The following RAD23B variants were observed in gnomAD, a reference collection of about 807,000 sequenced individuals.
RAD23B encodes the protein RAD23 nucleotide excision repair protein B, also known as lysine-specific demethylase RAD23B.
In RAD23B, 5 loss-of-function variants were observed where a neutral mutation model predicts 49.1. The observed-to-expected ratio is 0.10, with a 90% CI of 0.05 to 0.21. RAD23B has a LOEUF of 0.21. Among genes scored for constraint, RAD23B ranks in the 10% least tolerant of loss-of-function variants. The pLI, the probability that RAD23B is intolerant of heterozygous loss-of-function variation, is 1.00. For missense variants in RAD23B, 356 were observed against 486.7 expected, an observed-to-expected ratio of 0.73 and a Z score of 2.53; for synonymous variants, 184 against 165.4, an observed-to-expected ratio of 1.11 and a Z score of -0.86.
chr9:107,321,945 A>C (rs755559411), intron 6 of RAD23B, 38 bp from the exon 7 acceptor site: 22 of 1,553,262 alleles, frequency 1.4e-5, no homozygotes, highest in Non-Finnish European at 1.8e-5. Flanking sequence ...TTAATTTTGC[A>C]TGATGGGATA....
intron 1 of RAD23B, among the ~76,000 whole-genome samples, chr9:107,292,445 C>G (rs1833400847): frequency 6.6e-6 from 1 of 152,144 alleles, no homozygotes; most frequent in South Asian, 2.1e-4. Flanking sequence ...CTTTGGGAGG[C>G]TGAGGTGGGC....
chr9:107,309,945 A>T (rs1469397391), intron 4 of RAD23B, among the ~76,000 whole-genome samples: 1 of 151,268 alleles, frequency 6.6e-6, no homozygotes, highest in African/African-American at 2.4e-5. Flanking sequence ...AAAAAAAAAA[A>T]AAAAACCAAT....
At chr9:107,293,816 C>T (rs1833432874) in intron 1 of RAD23B, among the ~76,000 whole-genome samples, 1 of 152,174 alleles carries the variant, frequency 6.6e-6, no homozygotes, top group African/African-American at 2.4e-5. Flanking sequence ...CAGAGTCTTG[C>T]TCTGTTGCTC....
At position 107,324,819 on chromosome 9, in the gene RAD23B, T is replaced by C. The variant is rs1356865447; in HGVS notation, c.946-15T>C. On this transcript the variant is annotated splice_polypyrimidine_tract_variant and intron_variant, in intron 8 of 9. Coordinates refer to ENST00000358015, the MANE Select transcript of RAD23B (RefSeq NM_002874.5). ...ATCAGTGTATTATTTTTCTCTGTCC[T>C]TCATATCACCACAGCAAATTAGCCA... 6.3e-7 allele frequency: 1 copy of C among 1,585,032 alleles called. No individual in the cohort carries two copies. Among genetic ancestry groups the C allele is most frequent in the Non-Finnish European group, 8.6e-7 (1 of 1,167,438 alleles).
chr9:107,291,420 A>G (rs943380699), intron 1 of RAD23B, among the ~76,000 whole-genome samples: 1 of 152,230 alleles, frequency 6.6e-6, no homozygotes, highest in African/African-American at 2.4e-5. Flanking sequence ...TTCAAATCAT[A>G]TATTTAAAAT....
chr9:107,312,768 T>G (rs1451575298), intron 5 of RAD23B, among the ~76,000 whole-genome samples: 1 of 152,122 alleles, frequency 6.6e-6, no homozygotes. Context: ...GAAAATAGGA[T>G]TACCCAGAGA....
At chr9:107,284,011 C>T (rs891920973) in intron 1 of RAD23B, 1 of 1,078,448 alleles carries the variant, frequency 9.3e-7, no homozygotes, top group Non-Finnish European at 1.1e-6. Flanking sequence ...AAGGTCCAGG[C>T]CGTCTCAGCC....
chr9:107,311,610 T>C (rs1826888129), intron 4 of RAD23B, 72 bp from the exon 5 acceptor site: 1 of 1,005,114 alleles, frequency 9.9e-7, no homozygotes, highest in Non-Finnish European at 1.5e-6. Context: ...ACCAATTGGA[T>C]AGTTACTAAA....
intron 1 of RAD23B, chr9:107,284,733 C>G (rs1046609916): frequency 1.8e-6 from 2 of 1,123,600 alleles, no homozygotes; most frequent in Non-Finnish European, 2.2e-6. Flanking sequence ...CTGCCCAACT[C>G]TATTTTTAAA....
chr9:107,318,716 A>G lies in RAD23B; in HGVS notation c.554-36A>G. On this transcript the variant is annotated intron_variant, in intron 5 of 9. Transcript: ENST00000358015. The surrounding 1 kb of genome is among the most constrained non-coding windows in gnomAD (Gnocchi z 4.3). ...TGTATAGAGAATGCTTATTTATTAA[A>G]TGTTCCTTTTTTTCCCCTCCACCCT... 1 of 1,579,266 alleles carries G rather than the reference A, an allele frequency of 6.3e-7. No individual in the cohort carries two copies. The highest frequency in any genetic ancestry group is 8.7e-7 in the Non-Finnish European group (1 of 1,153,770).
intron 5 of RAD23B, among the ~76,000 whole-genome samples, chr9:107,312,884 C>T (rs917381864): frequency 1.1e-4 from 16 of 152,002 alleles, no homozygotes; most frequent in South Asian, 4.1e-4. Context: ...AGCTGGAATG[C>T]ATTGATGCTC....
At chr9:107,287,746 G>T (rs1004492335) in intron 1 of RAD23B, among the ~76,000 whole-genome samples, 13 of 149,898 alleles carry the variant, frequency 8.7e-5, no homozygotes, top group African/African-American at 3.0e-4. Context: ...AGGCAGGAGA[G>T]TCGCTTGAAC....
Position 107,283,706 on chromosome 9 carries a change from G to C in RAD23B, c.66+11G>C, listed in dbSNP as rs770343998. On this transcript the variant is annotated intron_variant, in intron 1 of 9. Transcript: ENST00000358015. ...GACCCCGAGGAGACGGTATGCGCGC[G>C]GGCCGGGGGCAGGGGCAGCCGCGTG... 6.9e-7 allele frequency: 1 copy of C among 1,457,798 alleles called. No homozygotes were observed. The highest frequency in any genetic ancestry group is 9.1e-7 in the Non-Finnish European group (1 of 1,100,060). 90.3% of individuals were successfully genotyped at this position (1,457,798 alleles called of 1,614,324 possible).
rs540807025 is a variant in RAD23B at position 107,290,364 on chromosome 9, A to G, written c.66+6669A>G. On this transcript the variant is annotated intron_variant, in intron 1 of 9. Coordinates refer to ENST00000358015, the MANE Select transcript of RAD23B (RefSeq NM_002874.5). ...CACTGATTTTTCCCATTTCTAGGGT[A>G]TACAAACATTTTTCCCCATCTTAAT... is the stretch of plus-strand genomic sequence containing the variant. Among the ~76,000 whole-genome samples, 24 of 152,284 alleles carry G rather than the reference A, an allele frequency of 1.6e-4. No homozygotes were observed. The South Asian group carries it at 5.0e-3, about 32-fold the overall frequency.
Position 107,330,823 on chromosome 9 carries a change from G to A in RAD23B, c.*1167G>A, listed in dbSNP as rs1587868371. On this transcript the variant is annotated 3_prime_UTR_variant, in exon 10 of 10. Coordinates refer to ENST00000358015, the MANE Select transcript of RAD23B (RefSeq NM_002874.5). This position sits in a 1 kb window ranked among gnomAD's most constrained non-coding sequence, Gnocchi z 4.4. Reference sequence around the variant, plus strand: ...TCTTTTGGATGGGTTGGGAGATGTGGCTGGAAAGTACTTTGGAAAATATAC... The same window carrying A: ...TCTTTTGGATGGGTTGGGAGATGTGACTGGAAAGTACTTTGGAAAATATAC... The A allele has an allele frequency of 6.5e-6, 1 of 152,724 alleles. No individual in the cohort carries two copies. The allele number at this position is 152,724 out of a possible 1,614,324, so 9.5% of individuals were successfully genotyped here. A position where few individuals can be genotyped will look rare whatever the true frequency, so the allele number is the denominator to read the frequency against.
intron 5 of RAD23B, among the ~76,000 whole-genome samples, chr9:107,317,071 T>C (rs1213178810): frequency 2.1e-5 from 3 of 145,356 alleles, no homozygotes; most frequent in South Asian, 2.2e-4. Context: ...AGAAATAAAA[T>C]GAGGGGTTTT....
chr9:107,306,264 G>T lies in RAD23B; in HGVS notation c.229-115G>T. On this transcript the variant is annotated intron_variant, in intron 3 of 9. Coordinates refer to ENST00000358015, the MANE Select transcript of RAD23B (RefSeq NM_002874.5). ...TGTCATTTTACAAAATTATTTTCAA[G>T]TTATAGGTTGTTATTAGTGCTATGT... 3 of 952,520 alleles carry T rather than the reference G, an allele frequency of 3.1e-6. No homozygotes were observed. In the East Asian group the frequency reaches 8.0e-5, roughly 25 times the overall value. 59.0% of individuals were successfully genotyped at this position (952,520 alleles called of 1,614,324 possible). A position where few individuals can be genotyped will look rare whatever the true frequency, so the allele number is the denominator to read the frequency against.
intron 9 of RAD23B, among the ~76,000 whole-genome samples, chr9:107,325,557 A>G (rs1430946669): frequency 2.0e-5 from 3 of 152,184 alleles, no homozygotes; most frequent in Admixed American, 1.3e-4. Context: ...ATTGCTAACT[A>G]TATAAAAATA....
chr9:107,301,564 GGTCTTGCTCT>G (rs1390750261), intron 2 of RAD23B, among the ~76,000 whole-genome samples: 5 of 152,066 alleles, frequency 3.3e-5, no homozygotes, highest in Non-Finnish European at 5.9e-5. Flanking sequence ...TTTGAGAGAG[GGTCTTGCTCT>G]GTCACCCAAG....
Sources: gnomAD v4.1 joint callset for allele counts (sites outside exome capture counted in the v4.1 genomes callset) on GRCh38, gnomAD v4.1.1 for gene constraint, Gnocchi (gnomAD v3.1) non-coding constraint, MANE v1.5 for transcripts, NCBI Gene and HGNC (gene_info 2026-07-23, HGNC 2026-07-21) for gene names.